MLLT10: variants seen among roughly 807,000 people sequenced by gnomAD.
The protein encoded by MLLT10 is MLLT10 histone lysine methyltransferase DOT1L cofactor.
MLLT10 carries 30 observed loss-of-function variants against 129.1 expected under a neutral mutation model. The ratio of observed to expected loss-of-function variants is 0.23; its 90% CI spans 0.17 to 0.32. The LOEUF (loss-of-function observed/expected upper bound fraction) is 0.32. Among genes scored for constraint, MLLT10 ranks in the 10% least tolerant of loss-of-function variants. The pLI is 1.00. For synonymous variants in MLLT10, 490 were observed against 446.4 expected (o/e 1.10, Z -1.23); for missense variants, 1,119 against 1,268.3 (o/e 0.88, Z 1.79).
At chr10:21,722,147 T>C (rs1306370175) in intron 14 of MLLT10, among the ~76,000 whole-genome samples, 1 of 152,158 alleles carries the variant, frequency 6.6e-6, no homozygotes, top group Non-Finnish European at 1.5e-5. Flanking sequence ...ATTTTCGATA[T>C]ATAGAAAAGT....
At chr10:21,641,950 T>C (rs1184490186) in intron 8 of MLLT10, among the ~76,000 whole-genome samples, 3 of 152,208 alleles carry the variant, frequency 2.0e-5, no homozygotes, top group East Asian at 3.8e-4. Flanking sequence ...GCTTTTGCAG[T>C]CATGGTTGCC....
At chr10:21,682,647 T>C (rs1234696150) in intron 13 of MLLT10, among the ~76,000 whole-genome samples, 2 of 152,204 alleles carry the variant, frequency 1.3e-5, no homozygotes, top group African/African-American at 4.8e-5. Flanking sequence ...TTTATTAATA[T>C]ATAGAATACT....
At chr10:21,570,585 T>G (rs1263206003) in intron 3 of MLLT10, among the ~76,000 whole-genome samples, 7 of 152,092 alleles carry the variant, frequency 4.6e-5, no homozygotes, top group Non-Finnish European at 8.8e-5. Flanking sequence ...TTTAGTGGTT[T>G]TTTTTTTCTG....
chr10:21,586,970 G>T (rs1391067263), intron 4 of MLLT10, among the ~76,000 whole-genome samples: 13 of 148,586 alleles, frequency 8.7e-5, no homozygotes, highest in South Asian at 2.1e-4. Context: ...ACATTTTTTT[G>T]TTGTTGTTGT....
At chr10:21,734,167 A>C (rs1298157558) in intron 20 of MLLT10, 38 bp downstream of exon 20, 1 of 1,552,970 alleles carries the variant, frequency 6.4e-7, no homozygotes, top group Admixed American at 1.8e-5. Flanking sequence ...TTTTAGTATA[A>C]CAGAGTACCG....
intron 9 of MLLT10, among the ~76,000 whole-genome samples, chr10:21,665,480 G>T (rs2050695755): frequency 6.6e-6 from 1 of 151,794 alleles, no homozygotes; most frequent in African/African-American, 2.4e-5. Context: ...TAGCTACAGG[G>T]TTTCTCCGTG....
In MLLT10 at chr10:21,731,017, A is replaced by G. The variant is rs757226715; in HGVS notation, c.2181A>G (p.Gly727=). ...EQLLERQWSE[G]QQFLLEQGTP... ...TTTTGGAGAGGCAGTGGAGTGAAGGACAGCAATTTTTACTAGAACAGGGTA... is the reference window on the plus strand; with the variant it reads ...TTTTGGAGAGGCAGTGGAGTGAAGGGCAGCAATTTTTACTAGAACAGGGTA... Residue 727 remains glycine (G), a synonymous_variant, in exon 17 of 23, where the codon GGA becomes GGG. Coordinates refer to ENST00000307729, the MANE Select transcript of MLLT10 (RefSeq NM_001195626.3). 1.3e-5 allele frequency: 21 copies of G among 1,613,870 alleles called. No homozygotes were observed. The African/African-American group carries it at 2.7e-4, about 21-fold the overall frequency.
At chr10:21,738,899 G>A (rs1033406309) in intron 21 of MLLT10, among the ~76,000 whole-genome samples, 21 of 152,130 alleles carry the variant, frequency 1.4e-4, no homozygotes, top group African/African-American at 5.1e-4. Context: ...GCATCTCTGT[G>A]CTGATACTTA....
chr10:21,741,274 TCC>T (rs11290537), intron 22 of MLLT10, among the ~76,000 whole-genome samples: 1 of 151,858 alleles, frequency 6.6e-6, no homozygotes, highest in African/African-American at 2.4e-5. Context: ...TAGTATTTTT[TCC>T]CCCCCAGTGT....
At chr10:21,700,995 T>C (rs2131470183) in intron 13 of MLLT10, among the ~76,000 whole-genome samples, 1 of 152,306 alleles carries the variant, frequency 6.6e-6, no homozygotes, top group African/African-American at 2.4e-5. Context: ...TTATTACTGA[T>C]TCAGTCTCAT....
intron 5 of MLLT10, among the ~76,000 whole-genome samples, chr10:21,602,706 A>C (rs1411135266): frequency 6.6e-6 from 1 of 151,936 alleles, no homozygotes; most frequent in African/African-American, 2.4e-5. Context: ...TAAACATTTA[A>C]ATGGAGTTTT....
chr10:21,718,163 G>C (rs1267741380), intron 14 of MLLT10, among the ~76,000 whole-genome samples: 1 of 151,868 alleles, frequency 6.6e-6, no homozygotes, highest in African/African-American at 2.4e-5. Context: ...ATATTCTTAA[G>C]TGTTAAACCC....
chr10:21,544,919 G>A (rs2035831610), intron 3 of MLLT10, among the ~76,000 whole-genome samples: 1 of 152,234 alleles, frequency 6.6e-6, no homozygotes, highest in South Asian at 2.1e-4. Flanking sequence ...GCCGAGGCGG[G>A]CGGATCACCT....
At chr10:21,601,738 A>G (rs1164264729) in intron 5 of MLLT10, among the ~76,000 whole-genome samples, 1 of 152,108 alleles carries the variant, frequency 6.6e-6, no homozygotes, top group Non-Finnish European at 1.5e-5. Context: ...GCATCTTGCT[A>G]TATATAGCCC....
At chr10:21,642,562 C>T (rs2048114702) in intron 8 of MLLT10, among the ~76,000 whole-genome samples, 1 of 147,868 alleles carries the variant, frequency 6.8e-6, no homozygotes, top group Admixed American at 7.0e-5. Context: ...GAGGATGAGG[C>T]AGGAGAATTG....
rs375222632 is a variant in MLLT10 at position 21,560,181 on chromosome 10, T to A, written c.240+21269T>A. 2.6e-5 allele frequency among the ~76,000 whole-genome samples: 4 copies of A among 152,182 alleles called. No individual in the cohort carries two copies. The East Asian group carries it at 7.7e-4, about 29-fold the overall frequency. ...CCACCACACCCGGCTAATTTTGTAT[T>A]TTTAGTAGAGACAGGGTTTCTCCAT... is the stretch of plus-strand genomic sequence containing the variant. On this transcript the variant is annotated intron_variant, in intron 3 of 22. Coordinates refer to ENST00000307729, the MANE Select transcript of MLLT10 (RefSeq NM_001195626.3).
chr10:21,657,347 G>GGTA (rs2049702504), intron 9 of MLLT10, among the ~76,000 whole-genome samples: 1 of 147,616 alleles, frequency 6.8e-6, no homozygotes, highest in Non-Finnish European at 1.5e-5. Context: ...GAGCCAAGAT[G>GGTA]GTAGCACTGC....
intron 13 of MLLT10, among the ~76,000 whole-genome samples, chr10:21,710,573 A>T (rs1414957363): frequency 1.3e-5 from 2 of 151,918 alleles, no homozygotes; most frequent in African/African-American, 4.8e-5. Context: ...CATGCTTCTC[A>T]CTCCTAGATT....
chr10:21,621,271 G>A (rs867754449), intron 8 of MLLT10, among the ~76,000 whole-genome samples: 24 of 144,026 alleles, frequency 1.7e-4, no homozygotes, highest in Non-Finnish European at 3.0e-5. Context: ...TTGAGACGGA[G>A]TCTCGCTCTG....
Sources: allele counts gnomAD v4.1 joint callset (sites outside exome capture counted in the v4.1 genomes callset), GRCh38; gene constraint gnomAD v4.1.1; transcripts MANE v1.5; gene names NCBI Gene and HGNC (gene_info 2026-07-23, HGNC 2026-07-21).